The following CUX1 variants were observed in gnomAD, a reference collection of about 807,000 sequenced individuals.
CUX1 encodes cut like homeobox 1.
In CUX1, 31 loss-of-function variants were observed where a neutral mutation model predicts 158.8. The ratio of observed to expected loss-of-function variants is 0.20; its 90% CI spans 0.15 to 0.26. CUX1 has a LOEUF of 0.26. CUX1 is among the 10% of genes least tolerant of loss of function. The pLI is 1.00. For synonymous variants in CUX1, 879 were observed against 862.1 expected (o/e 1.02, Z -0.34); for missense variants, 1,589 against 2,014.6 (o/e 0.79, Z 4.04).
chr7:102,139,320 A>G (rs1387143705), intron 8 of CUX1, among the ~76,000 whole-genome samples: 1 of 152,016 alleles, frequency 6.6e-6, no homozygotes, highest in Non-Finnish European at 1.5e-5. Flanking sequence ...AAACCTGGGA[A>G]GTGCCCTACC....
rs782575543 is a variant in CUX1, at chr7:102,195,552, T to A, written c.1171T>A (p.Ser391Thr). The A allele has an allele frequency of 1.2e-6, 2 of 1,613,174 alleles. No homozygotes were observed. The highest frequency in any genetic ancestry group is 2.2e-5 in the South Asian group (2 of 90,960). Residue 391 changes from serine (S) to threonine (T), a missense_variant, in exon 14 of 24, where the codon TCG (serine) becomes ACG (threonine). Physicochemically the swap from Ser to Thr is moderately conservative, Grantham distance 58 (BLOSUM62 1). Coordinates refer to ENST00000292535, the MANE Select transcript of CUX1 (RefSeq NM_181552.4). ...LEVLLLEKNR[S>T]LQSENAALRI... ...GGTGCTGTTGCTGGAGAAGAACCGC[T>A]CGCTGCAGTCCGAGAACGCCGCGCT...
At chr7:101,933,908 T>C (rs2129123882) in intron 2 of CUX1, among the ~76,000 whole-genome samples, 2 of 152,368 alleles carry the variant, frequency 1.3e-5, no homozygotes, top group East Asian at 3.9e-4. Flanking sequence ...AAGTTCTTTC[T>C]GTTTTCTATC....
chr7:102,087,266 A>G (rs782696512), intron 4 of CUX1, among the ~76,000 whole-genome samples: 2 of 151,686 alleles, frequency 1.3e-5, no homozygotes, highest in Non-Finnish European at 2.9e-5. Flanking sequence ...TATAACTCTT[A>G]TTTTCTTAAG....
intron 1 of CUX1, among the ~76,000 whole-genome samples, chr7:101,878,386 A>G (rs1799377433): frequency 6.6e-6 from 1 of 152,228 alleles, no homozygotes; most frequent in African/African-American, 2.4e-5. Context: ...AACAGGCTGC[A>G]GCTTAGCTAG....
intron 2 of CUX1, among the ~76,000 whole-genome samples, chr7:101,919,258 G>C (rs1462297100): frequency 1.3e-5 from 2 of 151,950 alleles, no homozygotes; most frequent in South Asian, 4.2e-4. Context: ...CACATGTGTG[G>C]AGCCTCAGCT....
At chr7:101,851,783 G>T (rs1796288804) in intron 1 of CUX1, among the ~76,000 whole-genome samples, 1 of 151,606 alleles carries the variant, frequency 6.6e-6, no homozygotes, top group Non-Finnish European at 1.5e-5. Flanking sequence ...GCACTTTGTG[G>T]CCTGATCTGC....
chr7:102,196,770 A>G lies in CUX1; in HGVS notation c.1359A>G (p.Pro453=). ...CTAATGGTACACACCAGTTCTCACC[A>G]GCGGGGTTAAGTCAAGACTTTTTCA... ...SNTNGTHQFS[P]AGLSQDFFSS... The change falls in exon 15 of 24, where the codon CCA becomes CCG. Residue 453 remains proline (P), a synonymous_variant. Transcript: ENST00000292535. 6.2e-6 allele frequency: 10 copies of G among 1,614,156 alleles called. No individual in the cohort carries two copies. The highest frequency in any genetic ancestry group is 8.5e-6 in the Non-Finnish European group (10 of 1,180,046).
intron 20 of CUX1, among the ~76,000 whole-genome samples, chr7:102,210,045 A>G (rs1554522720): frequency 6.6e-6 from 1 of 151,036 alleles, no homozygotes; most frequent in Admixed American, 6.6e-5. Flanking sequence ...TTTCCACCAC[A>G]CTCAGCTAAT....
In CUX1 at chr7:101,869,552, AAGGGAGTGGCTGGTGGGGCGGGGG is replaced by A. The variant is rs971328444; in HGVS notation, c.31-46557_31-46534del. Among the ~76,000 whole-genome samples, 1 of 151,326 alleles carries A rather than the reference AAGGGAGTGGCTGGTGGGGCGGGGG, an allele frequency of 6.6e-6. No homozygotes were observed. Among genetic ancestry groups the A allele is most frequent in the African/African-American group, 2.4e-5 (1 of 41,202 alleles). ...GAGCACAGCATTTGCGGGGCGCGGG[AAGGGAGTGGCTGGTGGGGCGGGGG>A]AGGGAAACCAGCACGTTAGAAGGTC... On this transcript the variant is annotated intron_variant, in intron 1 of 23. Transcript: ENST00000292535. The surrounding 1 kb of genome is among the most constrained non-coding windows in gnomAD (Gnocchi z 4.5).
intron 2 of CUX1, among the ~76,000 whole-genome samples, chr7:102,017,518 G>A (rs75816449): frequency 0.015 from 2,283 of 152,166 alleles, 48 homozygotes; most frequent in African/African-American, 0.051. Context: ...TTCACTGCTC[G>A]TAGTTAATGC....
chr7:102,238,602 G>A (rs1024332976), intron 22 of CUX1, among the ~76,000 whole-genome samples: 1 of 152,160 alleles, frequency 6.6e-6, no homozygotes, highest in Non-Finnish European at 1.5e-5. Flanking sequence ...TACTAGAACA[G>A]CTTGTGTCCT....
intron 20 of CUX1, among the ~76,000 whole-genome samples, chr7:102,211,534 A>T (rs1586237359): frequency 6.7e-6 from 1 of 150,108 alleles, no homozygotes; most frequent in Non-Finnish European, 1.5e-5. Flanking sequence ...TAATCCCAGC[A>T]CTTTGAGAGG....
chr7:101,908,394 C>T (rs941031173), intron 1 of CUX1, among the ~76,000 whole-genome samples: 1 of 152,230 alleles, frequency 6.6e-6, no homozygotes, highest in Admixed American at 6.5e-5. Flanking sequence ...GATTTGCTCG[C>T]CTCGGCCTCC....
intron 11 of CUX1, chr7:102,186,790 T>C (rs1554515452): frequency 6.6e-6 from 1 of 152,178 alleles, no homozygotes; most frequent in East Asian, 1.9e-4. Context: ...TCCCACACTT[T>C]GGGAGGCCGA....
intron 14 of CUX1, chr7:102,264,930 A>T (rs2132758022): frequency 6.6e-6 from 1 of 152,386 alleles, no homozygotes; most frequent in East Asian, 1.9e-4. Context: ...CCTGGCTGTC[A>T]CACCCTGGGG....
intron 1 of CUX1, among the ~76,000 whole-genome samples, chr7:101,833,870 C>G (rs1169486289): frequency 6.6e-6 from 1 of 152,092 alleles, no homozygotes; most frequent in Non-Finnish European, 1.5e-5. Context: ...ATTTTCCCCC[C>G]CAAATCAGGG....
intron 4 of CUX1, among the ~76,000 whole-genome samples, chr7:102,077,759 A>G (rs184764793): frequency 6.6e-6 from 1 of 152,310 alleles, no homozygotes; most frequent in East Asian, 1.9e-4. Flanking sequence ...ACCGCTTCTA[A>G]CAGGCTCTTG....
At chr7:102,015,452 T>C (rs987071686) in intron 2 of CUX1, among the ~76,000 whole-genome samples, 1 of 152,124 alleles carries the variant, frequency 6.6e-6, no homozygotes, top group African/African-American at 2.4e-5. Flanking sequence ...GGTCTCGAAC[T>C]CCTGACCTCA....
At chr7:102,145,559 G>A (rs1333519454) in intron 8 of CUX1, among the ~76,000 whole-genome samples, 2 of 151,992 alleles carry the variant, frequency 1.3e-5, no homozygotes, top group Non-Finnish European at 2.9e-5. Flanking sequence ...TTGTGTTCTT[G>A]TTTTATCCTC....
Sources: gnomAD v4.1 joint callset for allele counts (sites outside exome capture counted in the v4.1 genomes callset) on GRCh38, gnomAD v4.1.1 for gene constraint, Gnocchi (gnomAD v3.1) non-coding constraint, MANE v1.5 for transcripts, NCBI Gene and HGNC (gene_info 2026-07-23, HGNC 2026-07-21) for gene names.